Variants in PANK1 observed in about 807,000 individuals in gnomAD.
The protein encoded by PANK1 is pantothenate kinase 1, also known as pantothenic acid kinase 1.
PANK1 carries 18 observed loss-of-function variants against 40.1 expected under a neutral mutation model. The observed-to-expected ratio is 0.45, with a 90% CI of 0.31 to 0.67. PANK1 has a LOEUF of 0.67. PANK1 is among the 30% of genes least tolerant of loss of function. The pLI is 0.06. For missense variants in PANK1, 457 were observed against 599.6 expected (o/e 0.76, Z 2.48); for synonymous variants, 242 against 237.7 (o/e 1.02, Z -0.17).
rs1365169302 is a variant in PANK1, at chr10:89,611,680, G to C, written c.645+16C>G. 6 of 1,565,920 alleles carry C rather than the reference G, an allele frequency of 3.8e-6. No homozygotes were observed. In the East Asian group the frequency reaches 9.0e-5, roughly 23 times the overall value. On this transcript the variant is annotated intron_variant, in intron 2 of 6. Transcript: ENST00000307534. ...TGAGAGGTTTTGATGTTTTAACAAA[G>C]ACAAACCCGACCTACCATTCTGAAG...
chr10:89,580,779 G>A (rs1322415934), downstream of PANK1: 4 of 152,116 alleles, frequency 2.6e-5, no homozygotes, highest in African/African-American at 9.7e-5. Flanking sequence ...TCCAGACACT[G>A]GCCTCTTTGC....
intron 1 of PANK1, among the ~76,000 whole-genome samples, chr10:89,620,382 C>G (rs1845443604): frequency 6.6e-6 from 1 of 152,176 alleles, no homozygotes; most frequent in Non-Finnish European, 1.5e-5. Context: ...GGAATGCATT[C>G]CCAGGGGGAG....
chr10:89,593,502 G>C (rs1356489173), intron 4 of PANK1, among the ~76,000 whole-genome samples, 182 bp from the exon 5 acceptor site: 3 of 149,518 alleles, frequency 2.0e-5, no homozygotes, highest in Non-Finnish European at 4.5e-5. Flanking sequence ...TTTCTTAATA[G>C]GGACAAAGTA....
At chr10:89,594,250 G>T (rs896821702) in intron 3 of PANK1, among the ~76,000 whole-genome samples, 1 of 152,182 alleles carries the variant, frequency 6.6e-6, no homozygotes, top group Non-Finnish European at 1.5e-5. Context: ...TTTCTGTTGT[G>T]AGACCTTCAA....
intron 1 of PANK1, among the ~76,000 whole-genome samples, chr10:89,628,884 T>C (rs1442580933): frequency 6.6e-6 from 1 of 152,202 alleles, no homozygotes; most frequent in Non-Finnish European, 1.5e-5. Context: ...TCCTCAGGAA[T>C]CATGTAAACA....
In PANK1 at chr10:89,583,416, A is replaced by G. The variant is rs1379994174; in HGVS notation, c.*990T>C. 6.6e-6 allele frequency: 1 copy of G among 152,204 alleles called. No individual in the cohort carries two copies. Among genetic ancestry groups the G allele is most frequent in the Non-Finnish European group, 1.5e-5 (1 of 68,028 alleles). 9.4% of individuals were successfully genotyped at this position (152,204 alleles called of 1,614,324 possible). A position where few individuals can be genotyped will look rare whatever the true frequency, so the allele number is the denominator to read the frequency against. Reference sequence around the variant, plus strand: ...ATATACATGTACAAAACAAATAGATATTACTATCTGACACCTCAACCCATG... The same window carrying G: ...ATATACATGTACAAAACAAATAGATGTTACTATCTGACACCTCAACCCATG... On this transcript the variant is annotated 3_prime_UTR_variant, in exon 7 of 7. Transcript: ENST00000307534.
intron 1 of PANK1, among the ~76,000 whole-genome samples, chr10:89,643,112 A>G (rs1842013966): frequency 6.6e-6 from 1 of 152,220 alleles, no homozygotes; most frequent in African/African-American, 2.4e-5. Flanking sequence ...TATATCCTCA[A>G]TTAAACATAG....
chr10:89,641,407 A>C (rs1841964785), intron 1 of PANK1, among the ~76,000 whole-genome samples: 1 of 152,200 alleles, frequency 6.6e-6, no homozygotes. Flanking sequence ...TGTACCCACC[A>C]GTATGCTACC....
intron 2 of PANK1, among the ~76,000 whole-genome samples, chr10:89,603,076 A>G (rs1169460261): frequency 6.6e-6 from 1 of 152,236 alleles, no homozygotes; most frequent in Non-Finnish European, 1.5e-5. Flanking sequence ...TGCTAGATCC[A>G]GCAAATATGC....
chr10:89,616,106 T>C (rs1398040010), intron 1 of PANK1, among the ~76,000 whole-genome samples: 2 of 152,212 alleles, frequency 1.3e-5, no homozygotes, highest in Non-Finnish European at 1.5e-5. Context: ...AGAGTATTCA[T>C]CAACAACGTA....
intron 1 of PANK1, among the ~76,000 whole-genome samples, chr10:89,616,950 T>C (rs762985509): frequency 6.6e-5 from 10 of 152,104 alleles, no homozygotes; most frequent in Non-Finnish European, 1.3e-4. Flanking sequence ...GGATAGGAAC[T>C]GAAAAACAAT....
chr10:89,644,717 G>T lies in PANK1; in HGVS notation c.175C>A (p.Gln59Lys). 1 of 1,534,400 alleles carries T rather than the reference G, an allele frequency of 6.5e-7. No individual in the cohort carries two copies. Among genetic ancestry groups the T allele is most frequent in the African/African-American group, 1.4e-5 (1 of 71,156 alleles). ...AGCTCCGGCAGGAGCGGGAGGCGCT[G>T]GGGCGCCGCGTCGCTGCCGCCCACT... ...GPVGGSDAAPQRLPLLPELQP... is the reference protein window; with the variant it reads ...GPVGGSDAAPKRLPLLPELQP... Residue 59 changes from glutamine (Q) to lysine (K), a missense_variant, in exon 1 of 7, where the codon CAG (glutamine) becomes AAG (lysine). Physicochemically the swap from Gln to Lys is moderately conservative, Grantham distance 53. This residue lies in a region of PANK1 where 144 missense variants were observed against 131.2 expected (regional missense o/e 1.10). Coordinates refer to ENST00000307534, the MANE Select transcript of PANK1 (RefSeq NM_148977.3).
intron 3 of PANK1, among the ~76,000 whole-genome samples, chr10:89,596,458 T>C (rs967350683): frequency 6.6e-6 from 1 of 152,172 alleles, no homozygotes; most frequent in Non-Finnish European, 1.5e-5. Flanking sequence ...ACATAAAGAA[T>C]TGGAGCAAAT....
intron 1 of PANK1, among the ~76,000 whole-genome samples, chr10:89,633,679 T>G (rs1372911649): frequency 1.3e-5 from 2 of 152,198 alleles, no homozygotes; most frequent in African/African-American, 4.8e-5. Flanking sequence ...GCCACACAGC[T>G]GGCTTCAGGT....
intron 1 of PANK1, among the ~76,000 whole-genome samples, chr10:89,636,461 TTA>T (rs1181795180): frequency 6.6e-6 from 1 of 151,824 alleles, no homozygotes; most frequent in African/African-American, 2.4e-5. Context: ...CCTCATATTA[TTA>T]TTTTTTGAGA....
chr10:89,641,074 T>C (rs1841955509), intron 1 of PANK1, among the ~76,000 whole-genome samples: 1 of 152,186 alleles, frequency 6.6e-6, no homozygotes, highest in African/African-American at 2.4e-5. Flanking sequence ...GACCACACTC[T>C]AGAAGGTAGC....
chr10:89,599,779 T>C (rs529688867), intron 2 of PANK1, among the ~76,000 whole-genome samples: 3 of 152,284 alleles, frequency 2.0e-5, no homozygotes, highest in South Asian at 2.1e-4. Flanking sequence ...TGAATGGTGG[T>C]CCCTGAAAGA....
chr10:89,593,534 GAA>G (rs3215821), intron 4 of PANK1, among the ~76,000 whole-genome samples: 4 of 151,998 alleles, frequency 2.6e-5, no homozygotes, highest in Non-Finnish European at 5.9e-5. Flanking sequence ...AATGGGGGGG[GAA>G]AATTAATGCC....
At chr10:89,590,072 T>C (rs11185774) in intron 5 of PANK1, among the ~76,000 whole-genome samples, 20,244 of 141,730 alleles carry the variant, frequency 0.14, 1,562 homozygotes, top group Middle Eastern at 0.21. Context: ...GAAAAAGAGA[T>C]AGGGAAAAAT....
Sources: allele counts gnomAD v4.1 joint callset (sites outside exome capture counted in the v4.1 genomes callset), GRCh38; gene constraint gnomAD v4.1.1; regional missense constraint gnomAD v4.1.1; transcripts MANE v1.5; gene names NCBI Gene and HGNC (gene_info 2026-07-23, HGNC 2026-07-21).